Variants in SPTBN2 observed in about 807,000 individuals in gnomAD.
SPTBN2 encodes spectrin beta, non-erythrocytic 2.
In SPTBN2, 107 loss-of-function variants were observed where a neutral mutation model predicts 284.2. That is an observed-to-expected ratio of 0.38 (90% CI 0.32 to 0.44). The LOEUF is 0.44. Ranked by LOEUF, SPTBN2 falls within the 20% of genes least tolerant of loss-of-function variation. The pLI is 1.00. For missense variants in SPTBN2, 2,569 were observed against 3,287.1 expected, an observed-to-expected ratio of 0.78 and a Z score of 5.34; for synonymous variants, 1,289 against 1,354.8, an observed-to-expected ratio of 0.95 and a Z score of 1.07.
chr11:66,701,291 AG>A lies in SPTBN2; in HGVS notation c.2817-10del. ...GCCGAAACTGCTGCCACCTGAGAGC[AG>A]GGGGAAGGTTCAGCTTCCTGCCCTG... On this transcript the variant is annotated splice_polypyrimidine_tract_variant and intron_variant, in intron 16 of 37. Transcript: ENST00000533211. The A allele has an allele frequency of 1.2e-6, 2 of 1,611,334 alleles. No homozygotes were observed. The highest frequency in any genetic ancestry group is 1.7e-6 in the Non-Finnish European group (2 of 1,179,956).
Position 66,689,862 on chromosome 11 carries a change from G to A in SPTBN2, c.5892C>T (p.Ser1964=), listed in dbSNP as rs968815191. Residue 1964 remains serine (S), a synonymous_variant, in exon 29 of 38, where the codon TCC becomes TCT. Coordinates refer to ENST00000533211, the MANE Select transcript of SPTBN2 (RefSeq NM_006946.4). ...AEIEARADRF[S]SCIDMGKELL... is the part of the protein sequence containing the mutation. ...GCTCCTTCCCCATGTCGATGCAGGA[G>A]GAGAAGCGGTCTGCCCGGGCCTCTA... is the stretch of plus-strand genomic sequence containing the variant. The A allele has an allele frequency of 6.2e-7, 1 of 1,614,018 alleles. No individual in the cohort carries two copies. The highest frequency in any genetic ancestry group is 8.5e-7 in the Non-Finnish European group (1 of 1,180,040).
At chr11:66,733,935 G>A (rs1437421176), upstream of SPTBN2, among the ~76,000 whole-genome samples, 4 of 143,454 alleles carry the variant, frequency 2.8e-5, no homozygotes, top group South Asian at 2.2e-4. Flanking sequence ...CCGAGATTGC[G>A]CCACTGCAGT....
At chr11:66,731,070 C>T (rs1198510658), upstream of SPTBN2, among the ~76,000 whole-genome samples, 1 of 152,192 alleles carries the variant, frequency 6.6e-6, no homozygotes, top group African/African-American at 2.4e-5. Context: ...ATTCAGTTTC[C>T]TTACATGTAA....
In SPTBN2 at chr11:66,687,197, C is replaced by T. The variant is rs748845083; in HGVS notation, c.6723-30G>A. The T allele has an allele frequency of 6.6e-5, 106 of 1,612,196 alleles. No individual in the cohort carries two copies. Among genetic ancestry groups the T allele is most frequent in the Non-Finnish European group, 3.4e-6 (4 of 1,179,802 alleles). ...GAGGGACGCGGTGCTGACTGGCCGG[C>T]CTCAGTGGCGCCCGCAACCTGGAGC... On this transcript the variant is annotated intron_variant, in intron 35 of 37. Coordinates refer to ENST00000533211, the MANE Select transcript of SPTBN2 (RefSeq NM_006946.4). This position sits in a 1 kb window ranked among gnomAD's most constrained non-coding sequence, Gnocchi z 5.2.
At chr11:66,741,759 G>A (rs967388549) in intron 1 of SPTBN2, among the ~76,000 whole-genome samples, 5 of 152,146 alleles carry the variant, frequency 3.3e-5, no homozygotes, top group African/African-American at 1.2e-4. Context: ...AATTTCCAAA[G>A]TCCCTTCTGG....
intron 1 of SPTBN2, among the ~76,000 whole-genome samples, chr11:66,743,979 G>C (rs1283637651): frequency 6.6e-6 from 1 of 152,100 alleles, no homozygotes; most frequent in Non-Finnish European, 1.5e-5. Context: ...TCCTGCCTCA[G>C]CCTCCCGAGT....
At chr11:66,695,872 G>C (rs532708222) in intron 21 of SPTBN2, among the ~76,000 whole-genome samples, 1 of 152,012 alleles carries the variant, frequency 6.6e-6, no homozygotes, top group African/African-American at 2.4e-5. Context: ...AAGTAGCTGG[G>C]ATAACAGGCG....
intron 3 of SPTBN2, among the ~76,000 whole-genome samples, chr11:66,719,265 C>A (rs1942284978): frequency 6.6e-6 from 1 of 152,252 alleles, no homozygotes; most frequent in Non-Finnish European, 1.5e-5. Context: ...ATCACCACCT[C>A]CAGTGCCAGC....
At chr11:66,695,130 G>T (rs1341983863) in intron 21 of SPTBN2, among the ~76,000 whole-genome samples, 1 of 151,534 alleles carries the variant, frequency 6.6e-6, no homozygotes, top group South Asian at 2.1e-4. Context: ...CTTCCTGGGG[G>T]ACTCCTCAAC....
intron 1 of SPTBN2, among the ~76,000 whole-genome samples, chr11:66,727,580 G>A (rs959419672): frequency 8.5e-5 from 13 of 152,322 alleles, no homozygotes; most frequent in Admixed American, 3.3e-4. Flanking sequence ...GCCGCACGCG[G>A]CCGCTTCCCC....
Position 66,701,586 on chromosome 11 carries a change from G to A in SPTBN2, c.2814C>T (p.His938=). The change falls in exon 16 of 38, where the codon CAC becomes CAT. Residue 938 remains histidine, a splice_region_variant and synonymous_variant. Coordinates refer to ENST00000533211, the MANE Select transcript of SPTBN2 (RefSeq NM_006946.4). Reference sequence around the variant, plus strand: ...TGGTCCTGCCCTCCCAAACCCACCTGTGGTTGAGCTGCTCCTGGGTGTTGA... The same window carrying A: ...TGGTCCTGCCCTCCCAAACCCACCTATGGTTGAGCTGCTCCTGGGTGTTGA... ...RIVNTQEQLN[H]RWQQFRRLAD... The A allele has an allele frequency of 6.2e-7, 1 of 1,614,100 alleles. No homozygotes were observed. The highest frequency in any genetic ancestry group is 8.5e-7 in the Non-Finnish European group (1 of 1,180,018).
chr11:66,721,124 C>T lies in SPTBN2; in HGVS notation c.117G>A (p.Ser39=), dbSNP rs142080780. ...TGCGAGACCTCTCAAAGAGGCGGGC[C>T]GAGCTGCTGTCATTGTCCCAGTCCG... ...PDSDWDNDSS[S]ARLFERSRIK... The change falls in exon 3 of 38, where the codon TCG becomes TCA. Residue 39 remains serine, a synonymous_variant. Transcript: ENST00000533211. 21 of 1,614,048 alleles carry T rather than the reference C, an allele frequency of 1.3e-5. No individual in the cohort carries two copies. In the Admixed American group the frequency reaches 1.5e-4, roughly 12 times the overall value.
chr11:66,696,826 G>T (rs2135385834), intron 20 of SPTBN2, among the ~76,000 whole-genome samples: 1 of 152,276 alleles, frequency 6.6e-6, no homozygotes, highest in East Asian at 1.9e-4. Flanking sequence ...TGGTGCCTGT[G>T]GTTTCTGGCA....
Position 66,721,115 on chromosome 11 carries a change from G to A in SPTBN2, c.126C>T (p.Leu42=), listed in dbSNP as rs538895599. 3 of 1,614,170 alleles carry A rather than the reference G, an allele frequency of 1.9e-6. No homozygotes were observed. The African/African-American group carries it at 4.0e-5, about 22-fold the overall frequency. Residue 42 remains leucine, a synonymous_variant, in exon 3 of 38, where the codon CTC becomes CTT. Transcript: ENST00000533211. The part of the protein sequence containing the change: ...DWDNDSSSAR[L]FERSRIKALA... Reference sequence around the variant, plus strand: ...GAGCCTTAATGCGAGACCTCTCAAAGAGGCGGGCCGAGCTGCTGTCATTGT... The same window carrying A: ...GAGCCTTAATGCGAGACCTCTCAAAAAGGCGGGCCGAGCTGCTGTCATTGT...
rs919908910 is a variant in SPTBN2 at position 66,710,124 on chromosome 11, CCT to C, written c.1073+456_1073+457del. On this transcript the variant is annotated intron_variant, in intron 10 of 37. Coordinates refer to ENST00000533211, the MANE Select transcript of SPTBN2 (RefSeq NM_006946.4). This position sits in a 1 kb window ranked among gnomAD's most constrained non-coding sequence, Gnocchi z 4.9. Reference sequence around the variant, plus strand: ...GTGGCGTGATCTTGGCTCACTGCAACCTCTGTCTCCCGGGTTCAGGTGGTTCT... The same window carrying C: ...GTGGCGTGATCTTGGCTCACTGCAACCTGTCTCCCGGGTTCAGGTGGTTCT... Among the ~76,000 whole-genome samples, 97 of 152,364 alleles carry C rather than the reference CCT, an allele frequency of 6.4e-4. No individual in the cohort carries two copies. The highest frequency in any genetic ancestry group is 2.3e-3 in the African/African-American group (94 of 41,588).
intron 8 of SPTBN2, chr11:66,712,625 A>T (rs143235276): frequency 6.6e-6 from 1 of 152,042 alleles, no homozygotes. Context: ...CACAGGAACC[A>T]ATCAGCAAGG....
chr11:66,686,101 C>A lies in SPTBN2; in HGVS notation c.6943G>T (p.Glu2315Ter). The change falls in exon 38 of 38, where the codon GAG (glutamate) becomes TAG (stop). Residue 2315 changes from glutamate (E) to a stop codon, truncating the protein, a stop_gained. Coordinates refer to ENST00000533211, the MANE Select transcript of SPTBN2 (RefSeq NM_006946.4). LOFTEE classifies it high-confidence loss of function. ...ACCACCCGTAGCCACGAGCTCATCT[C>A]TGCCTGTGGATGGAAAGACCCTCAA... ...EYLFQAKDEA[E>*]MSSWLRVVNA... is the part of the protein sequence containing the mutation. The A allele has an allele frequency of 6.2e-7, 1 of 1,612,694 alleles. No homozygotes were observed. Among genetic ancestry groups the A allele is most frequent in the South Asian group, 1.1e-5 (1 of 90,914 alleles).
rs1384490242 is a variant in SPTBN2, at chr11:66,684,895, A to G, written c.*976T>C. On this transcript the variant is annotated 3_prime_UTR_variant, in exon 38 of 38. Transcript: ENST00000533211. ...GCTGAGACTGGCTGGGGCTGTAGCA[A>G]TGCTTCCCAGTCTTCCAATTTGAAA... is the stretch of plus-strand genomic sequence containing the variant. 6.6e-6 allele frequency among the ~76,000 whole-genome samples: 1 copy of G among 152,180 alleles called. No individual in the cohort carries two copies. Among genetic ancestry groups the G allele is most frequent in the South Asian group, 2.1e-4 (1 of 4,832 alleles).
intron 13 of SPTBN2, among the ~76,000 whole-genome samples, chr11:66,706,307 C>G (rs1941554613): frequency 6.6e-6 from 1 of 152,208 alleles, no homozygotes; most frequent in African/African-American, 2.4e-5. Context: ...ATCTCTCCCC[C>G]TCTCAAAACC....
Sources: gnomAD v4.1 joint callset for allele counts (sites outside exome capture counted in the v4.1 genomes callset) on GRCh38, gnomAD v4.1.1 for gene constraint, Gnocchi (gnomAD v3.1) non-coding constraint, MANE v1.5 for transcripts, NCBI Gene and HGNC (gene_info 2026-07-23, HGNC 2026-07-21) for gene names.